The following CCDC158 variants were observed in gnomAD, a reference collection of about 807,000 sequenced individuals.
The protein encoded by CCDC158 is coiled-coil domain containing 158.
A neutral mutation model predicts 138.6 loss-of-function variants in CCDC158; 116 were observed. The ratio of observed to expected loss-of-function variants is 0.84; its 90% CI spans 0.72 to 0.98. CCDC158 has a LOEUF of 0.98. Ranked by LOEUF, CCDC158 falls within the 50% of genes least tolerant of loss-of-function variation. The pLI, the probability that CCDC158 is intolerant of heterozygous loss-of-function variation, is 0.00. For synonymous variants in CCDC158, 436 were observed against 442.4 expected (o/e 0.99, Z 0.18); for missense variants, 1,265 against 1,306.1 (o/e 0.97, Z 0.48).
At chr4:76,350,360 T>C (rs1411438380) in intron 18 of CCDC158, among the ~76,000 whole-genome samples, 1 of 152,220 alleles carries the variant, frequency 6.6e-6, no homozygotes, top group Non-Finnish European at 1.5e-5. Flanking sequence ...TGTTGCCATA[T>C]GTAAGATAGG....
Position 76,403,204 on chromosome 4 carries a change from C to T in CCDC158, c.4G>A (p.Glu2Lys). 1 of 1,596,452 alleles carries T rather than the reference C, an allele frequency of 6.3e-7. No individual in the cohort carries two copies. The highest frequency in any genetic ancestry group is 8.6e-7 in the Non-Finnish European group (1 of 1,167,744). Residue 2 changes from glutamate to lysine, a missense_variant, in exon 3 of 25, where the codon GAA becomes AAA. Physicochemically the swap from Glu to Lys is moderately conservative, Grantham distance 56. Coordinates refer to ENST00000682701, the MANE Select transcript of CCDC158 (RefSeq NM_001394954.1). ...TTATTTGATTCCCAAGCTTTTGATT[C>T]CATATTAAATATTGCTACTTCTTAT... M[E>K]SKAWESNNED...
intron 18 of CCDC158, chr4:76,345,305 C>A: frequency 9.4e-7 from 1 of 1,067,844 alleles, no homozygotes; most frequent in Non-Finnish European, 1.5e-6. Context: ...ATCTCTTATA[C>A]AGACACACCA....
chr4:76,401,319 T>C, intron 3 of CCDC158: 3 of 503,144 alleles, frequency 6.0e-6, no homozygotes, highest in Non-Finnish European at 1.2e-5. Context: ...CTCCACAAAG[T>C]GACACAGTAC....
intron 24 of CCDC158, among the ~76,000 whole-genome samples, chr4:76,316,344 A>G (rs1719384563): frequency 6.6e-6 from 1 of 152,244 alleles, no homozygotes; most frequent in Admixed American, 6.5e-5. Flanking sequence ...GACTAGAACA[A>G]GTAGAAGAGA....
chr4:76,370,214 C>G (rs1725105042), intron 10 of CCDC158, among the ~76,000 whole-genome samples: 1 of 152,132 alleles, frequency 6.6e-6, no homozygotes, highest in South Asian at 2.1e-4. Flanking sequence ...AAGACATAGA[C>G]ATAAGTAACT....
chr4:76,361,444 C>G (rs1480623021), intron 13 of CCDC158, among the ~76,000 whole-genome samples: 1 of 152,102 alleles, frequency 6.6e-6, no homozygotes, highest in Non-Finnish European at 1.5e-5. Flanking sequence ...CGCCTGTAGT[C>G]CCAGCTACTT....
In CCDC158 at chr4:76,374,854, A is replaced by G. The variant is rs551573706; in HGVS notation, c.1030-3318T>C. 9.2e-5 allele frequency among the ~76,000 whole-genome samples: 14 copies of G among 152,150 alleles called. No homozygotes were observed. In the South Asian group the frequency reaches 2.9e-3, roughly 32 times the overall value. On this transcript the variant is annotated intron_variant, in intron 9 of 24. Transcript: ENST00000682701. The stretch of plus-strand genomic sequence containing the variant: ...ATCATTTCATAACATCAAACTTGAC[A>G]TGAGACCAAATTAAAAAAAGAAAGA...
chr4:76,344,617 G>A (rs1013432171), intron 18 of CCDC158: 15 of 1,461,912 alleles, frequency 1.0e-5, no homozygotes, highest in Non-Finnish European at 1.4e-5. Flanking sequence ...GATGTGCTCA[G>A]TGAGAGAGAT....
chr4:76,356,816 C>T (rs1723616251), intron 14 of CCDC158: 1 of 152,082 alleles, frequency 6.6e-6, no homozygotes, highest in Admixed American at 6.6e-5. Flanking sequence ...ATGGTCATGT[C>T]AACAATTATA....
intron 1 of CCDC158, among the ~76,000 whole-genome samples, chr4:76,414,572 C>T (rs1168558063): frequency 6.6e-6 from 1 of 152,220 alleles, no homozygotes; most frequent in Non-Finnish European, 1.5e-5. Context: ...CCACCCAAAT[C>T]TCAACTTGAA....
In CCDC158 at chr4:76,373,779, C is replaced by T. The variant is rs566215490; in HGVS notation, c.1030-2243G>A. ...TTTAATATTTATATTGGCTATATTC[C>T]TAAACTGACTTTGTATCTGGCTGCA... On this transcript the variant is annotated intron_variant, in intron 9 of 24. Transcript: ENST00000682701. Among the ~76,000 whole-genome samples, 5 of 152,160 alleles carry T rather than the reference C, an allele frequency of 3.3e-5. 1 individual carries two copies. Among genetic ancestry groups the T allele is most frequent in the African/African-American group, 1.2e-4 (5 of 41,504 alleles).
chr4:76,354,713 C>T (rs1220906264), intron 15 of CCDC158, among the ~76,000 whole-genome samples: 4 of 152,102 alleles, frequency 2.6e-5, no homozygotes, highest in East Asian at 1.9e-4. Context: ...CACCTACCGG[C>T]GACCTCAGTT....
chr4:76,355,450 A>G lies in CCDC158; in HGVS notation c.2174-14T>C. On this transcript the variant is annotated splice_polypyrimidine_tract_variant and intron_variant, in intron 14 of 24. Coordinates refer to ENST00000682701, the MANE Select transcript of CCDC158 (RefSeq NM_001394954.1). ...CCACTTTCATAGCTGGAAAAAAAAA[A>G]GAGGCAAACTATGCCTTAGGTTCTT... 1 of 1,543,992 alleles carries G rather than the reference A, an allele frequency of 6.5e-7. No individual in the cohort carries two copies. The highest frequency in any genetic ancestry group is 2.2e-5 in the East Asian group (1 of 44,560).
chr4:76,380,567 A>G (rs889589506), intron 8 of CCDC158, among the ~76,000 whole-genome samples: 1 of 152,228 alleles, frequency 6.6e-6, no homozygotes, highest in Admixed American at 6.5e-5. Context: ...ATATTTACAA[A>G]GAGATGGTGT....
chr4:76,345,039 G>A, intron 18 of CCDC158: 1 of 1,375,034 alleles, frequency 7.3e-7, no homozygotes, highest in Non-Finnish European at 1.0e-6. Context: ...TATTACAATA[G>A]GATCAACGAT....
intron 18 of CCDC158, chr4:76,344,796 A>T (rs1231389317): frequency 6.2e-7 from 1 of 1,606,796 alleles, no homozygotes; most frequent in South Asian, 1.1e-5. Flanking sequence ...GCCCGACTTC[A>T]ATGGTCCTCG....
rs185949516 is a variant in CCDC158 at position 76,351,407 on chromosome 4, T to A, written c.2539-286A>T. On this transcript the variant is annotated intron_variant, in intron 17 of 24. Transcript: ENST00000682701. The stretch of plus-strand genomic sequence containing the variant: ...TTTGTACTCGCTTGACTCCTGAGCA[T>A]GGAAAACTCTTGCTTTGGGTATTCC... Among the ~76,000 whole-genome samples, 57 of 152,324 alleles carry A rather than the reference T, an allele frequency of 3.7e-4. 2 individuals carry two copies. Among genetic ancestry groups the A allele is most frequent in the Admixed American group, 3.5e-3 (54 of 15,292 alleles).
At chr4:76,375,333 C>G (rs1029824485) in intron 9 of CCDC158, 3 of 415,706 alleles carry the variant, frequency 7.2e-6, no homozygotes, top group Non-Finnish European at 1.3e-5. Flanking sequence ...CCAATCATAT[C>G]AAATCACACG....
intron 8 of CCDC158, 53 bp downstream of exon 8, chr4:76,382,557 A>G: frequency 2.8e-6 from 3 of 1,086,006 alleles, no homozygotes; most frequent in Admixed American, 1.9e-5. Context: ...AAAGTTAATG[A>G]GAATAATATC....
Sources: gnomAD v4.1 joint callset for allele counts (sites outside exome capture counted in the v4.1 genomes callset) on GRCh38, gnomAD v4.1.1 for gene constraint, MANE v1.5 for transcripts, NCBI Gene and HGNC (gene_info 2026-07-23, HGNC 2026-07-21) for gene names.